FAM81A: variants seen among roughly 807,000 people sequenced by gnomAD.
FAM81A encodes family with sequence similarity 81 member A, also known as protein FAM81A.
In FAM81A, 19 loss-of-function variants were observed where a neutral mutation model predicts 46.7. The ratio of observed to expected loss-of-function variants is 0.41; its 90% confidence interval spans 0.28 to 0.60. The LOEUF (loss-of-function observed/expected upper bound fraction) is 0.60, where lower values mean the gene tolerates loss of function less well. Ranked by LOEUF, FAM81A falls within the 20% of genes least tolerant of loss-of-function variation. The pLI is 0.34. For synonymous variants in FAM81A, 183 were observed against 152.9 expected (o/e 1.20, Z -1.45); for missense variants, 377 against 453.5 (o/e 0.83, Z 1.53).
intron 8 of FAM81A, among the ~76,000 whole-genome samples, chr15:59,518,870 A>T (rs971992494): frequency 6.6e-6 from 1 of 151,934 alleles, no homozygotes; most frequent in Admixed American, 6.6e-5. Flanking sequence ...ATATATATAT[A>T]CATAGTGAAA....
At chr15:59,466,136 C>T (rs2081610407) in intron 3 of FAM81A, among the ~76,000 whole-genome samples, 1 of 152,182 alleles carries the variant, frequency 6.6e-6, no homozygotes, top group African/African-American at 2.4e-5. Flanking sequence ...GGTTCCAAGT[C>T]TTTGCTATTC....
intron 3 of FAM81A, among the ~76,000 whole-genome samples, chr15:59,482,155 G>T (rs1472198992): frequency 1.3e-5 from 2 of 151,964 alleles, no homozygotes; most frequent in Non-Finnish European, 2.9e-5. Context: ...AAAAATGTGT[G>T]TTTTTTTAAG....
At chr15:59,517,922 A>C (rs2141846854) in intron 8 of FAM81A, among the ~76,000 whole-genome samples, 1 of 152,218 alleles carries the variant, frequency 6.6e-6, no homozygotes. Context: ...AGCCTTTTAA[A>C]AAATAAAGCC....
chr15:59,398,535 G>A (rs1444114416), intron 1 of FAM81A, among the ~76,000 whole-genome samples: 2 of 151,982 alleles, frequency 1.3e-5, no homozygotes, highest in Non-Finnish European at 2.9e-5. Context: ...AAGGCAGGTG[G>A]ATCACTTGAG....
At chr15:59,399,248 GT>G (rs1290508321) in intron 1 of FAM81A, among the ~76,000 whole-genome samples, 1 of 152,120 alleles carries the variant, frequency 6.6e-6, no homozygotes, top group Non-Finnish European at 1.5e-5. Flanking sequence ...AGAAAGGCAT[GT>G]CTTCTCCCTA....
At chr15:59,461,562 C>G (rs1367123157) in intron 3 of FAM81A, among the ~76,000 whole-genome samples, 3 of 152,180 alleles carry the variant, frequency 2.0e-5, no homozygotes, top group Non-Finnish European at 2.9e-5. Flanking sequence ...CTCAAGCAAT[C>G]TGTCTGCCTC....
intron 2 of FAM81A, among the ~76,000 whole-genome samples, chr15:59,425,167 C>T (rs1320251612): frequency 6.6e-6 from 1 of 151,946 alleles, no homozygotes; most frequent in Non-Finnish European, 1.5e-5. Context: ...TAATTTTTCC[C>T]CTTAGAATGT....
intron 8 of FAM81A, among the ~76,000 whole-genome samples, chr15:59,520,150 A>G (rs1271439725): frequency 3.3e-5 from 5 of 151,238 alleles, no homozygotes; most frequent in Admixed American, 6.6e-5. Context: ...GTGTATTTGT[A>G]TTGCCCAAGA....
chr15:59,517,594 A>G (rs1161839108), intron 8 of FAM81A, among the ~76,000 whole-genome samples: 2 of 152,178 alleles, frequency 1.3e-5, no homozygotes, highest in African/African-American at 4.8e-5. Context: ...TTCCAGTTGT[A>G]TGATTCCATG....
chr15:59,464,487 T>G (rs527382840), intron 3 of FAM81A, among the ~76,000 whole-genome samples: 2 of 152,284 alleles, frequency 1.3e-5, no homozygotes, highest in Admixed American at 6.5e-5. Flanking sequence ...TGAGTTACTT[T>G]TTGTGTTTTG....
At chr15:59,505,025 T>C (rs1300322392) in intron 4 of FAM81A, among the ~76,000 whole-genome samples, 3 of 152,344 alleles carry the variant, frequency 2.0e-5, no homozygotes, top group Admixed American at 6.5e-5. Context: ...ACCTCAAATA[T>C]TGCTTCTTTG....
At chr15:59,407,517 G>T (rs2081101630) in intron 2 of FAM81A, 3 of 154,860 alleles carry the variant, frequency 1.9e-5, no homozygotes, top group Non-Finnish European at 4.3e-5. Context: ...GGATGGTCTT[G>T]ATCTCCTGAC....
intron 1 of FAM81A, among the ~76,000 whole-genome samples, chr15:59,448,020 G>A (rs7183743): frequency 0.15 from 23,523 of 152,096 alleles, 2,307 homozygotes; most frequent in African/African-American, 0.27. Context: ...AGGGAAGAGG[G>A]AGGAGCAAGA....
chr15:59,506,940 T>A (rs2082155374), intron 4 of FAM81A, among the ~76,000 whole-genome samples: 1 of 152,226 alleles, frequency 6.6e-6, no homozygotes, highest in Non-Finnish European at 1.5e-5. Flanking sequence ...TGTATTGGCC[T>A]CTCGCTGCAC....
intron 3 of FAM81A, among the ~76,000 whole-genome samples, chr15:59,474,542 G>A (rs1162343907): frequency 1.3e-5 from 2 of 152,168 alleles, no homozygotes; most frequent in Non-Finnish European, 2.9e-5. Flanking sequence ...GAGCCCTCAT[G>A]ACTTAATCAC....
At chr15:59,412,060 T>A (rs1258371770) in intron 2 of FAM81A, among the ~76,000 whole-genome samples, 1 of 130,294 alleles carries the variant, frequency 7.7e-6, no homozygotes, top group Non-Finnish European at 1.6e-5. Flanking sequence ...TGGGATAGAG[T>A]GAGGTGGGAG....
At chr15:59,497,074 G>A (rs772858747) in intron 4 of FAM81A, among the ~76,000 whole-genome samples, 2 of 150,964 alleles carry the variant, frequency 1.3e-5, no homozygotes, top group Admixed American at 6.6e-5. Context: ...AGCCGGGATT[G>A]TGCCACTGCA....
chr15:59,491,958 T>C (rs1444783653), intron 3 of FAM81A, among the ~76,000 whole-genome samples: 2 of 149,292 alleles, frequency 1.3e-5, no homozygotes, highest in Non-Finnish European at 3.0e-5. Context: ...AGAGCAAGAC[T>C]CCATCTCAAA....
intron 6 of FAM81A, among the ~76,000 whole-genome samples, chr15:59,512,450 C>T (rs183544309): frequency 5.8e-4 from 69 of 117,976 alleles, no homozygotes; most frequent in Admixed American, 2.3e-3. Context: ...CCAGCCTGGG[C>T]GACAGAGCGA....
Sources: allele counts gnomAD v4.1 joint callset (sites outside exome capture counted in the v4.1 genomes callset), GRCh38; gene constraint gnomAD v4.1.1; transcripts MANE v1.5; gene names NCBI Gene and HGNC (gene_info 2026-07-23, HGNC 2026-07-21).